Variants in HDAC4 observed in about 807,000 individuals in gnomAD.
HDAC4 encodes histone deacetylase 4, also known as histone deacetylase A.
Under a neutral mutation model 135.1 loss-of-function variants are expected in HDAC4, and 16 were observed. The ratio of observed to expected loss-of-function variants is 0.12; its 90% CI spans 0.08 to 0.18. The LOEUF (loss-of-function observed/expected upper bound fraction) is 0.18. Ranked by LOEUF, HDAC4 falls within the 10% of genes least tolerant of loss-of-function variation. The pLI is 1.00. For synonymous variants in HDAC4, 685 were observed against 653.4 expected, an observed-to-expected ratio of 1.05 and a Z score of -0.74; for missense variants, 1,143 against 1,511.8, an observed-to-expected ratio of 0.76 and a Z score of 4.05.
At chr2:239,196,533 T>C (rs750760034) in intron 3 of HDAC4, among the ~76,000 whole-genome samples, 120 of 152,204 alleles carry the variant, frequency 7.9e-4, no homozygotes, top group Non-Finnish European at 2.6e-4. Context: ...GAGTTGACGA[T>C]GGTTCCCGGG....
At chr2:239,080,903 T>A in intron 22 of HDAC4, 192 bp downstream of exon 22, 1 of 591,636 alleles carries the variant, frequency 1.7e-6, no homozygotes, top group South Asian at 2.1e-5. Flanking sequence ...TAAGAGCTGA[T>A]GGTAAGAAGA....
rs1388339164 is a variant in HDAC4 at position 239,049,278 on chromosome 2, G to A, written c.*3819C>T. On this transcript the variant is annotated 3_prime_UTR_variant, in exon 27 of 27. Transcript: ENST00000543185. ...CTTCCCCGCCCTCCTCTCCTTCAAG[G>A]TTTTGTTTTACAGAAAAATTTCCAT... is the stretch of plus-strand genomic sequence containing the variant. 2 of 152,428 alleles carry A rather than the reference G, an allele frequency of 1.3e-5. No homozygotes were observed. The highest frequency in any genetic ancestry group is 2.1e-4 in the South Asian group (1 of 4,822). The allele number at this position is 152,428 out of a possible 1,614,324, so 9.4% of individuals were successfully genotyped here. A position where few individuals can be genotyped will look rare whatever the true frequency, so the allele number is the denominator to read the frequency against.
intron 3 of HDAC4, among the ~76,000 whole-genome samples, chr2:239,201,351 C>T (rs948541079): frequency 5.3e-5 from 8 of 152,128 alleles, no homozygotes; most frequent in South Asian, 2.1e-4. Context: ...CCTAACCTGC[C>T]GTAGAGACCC....
chr2:239,159,136 C>T (rs1172760777), intron 6 of HDAC4, among the ~76,000 whole-genome samples: 4 of 150,788 alleles, frequency 2.7e-5, no homozygotes, highest in Non-Finnish European at 4.4e-5. Flanking sequence ...ACACCTGCAG[C>T]TCACCCAACT....
chr2:239,108,257 C>A (rs1022772458), intron 14 of HDAC4, 74 bp from the exon 15 acceptor site: 1 of 1,525,840 alleles, frequency 6.6e-7, no homozygotes. Flanking sequence ...AGGCTGCCCC[C>A]GGGTGGTGGC....
intron 2 of HDAC4, among the ~76,000 whole-genome samples, chr2:239,270,243 A>C (rs1402751182): frequency 1.3e-5 from 2 of 152,210 alleles, no homozygotes; most frequent in African/African-American, 2.4e-5. Flanking sequence ...ATGTGTAAAA[A>C]TGAATGGATG....
intron 1 of HDAC4, among the ~76,000 whole-genome samples, chr2:239,375,250 G>A (rs746304368): frequency 6.6e-6 from 1 of 152,168 alleles, no homozygotes; most frequent in Non-Finnish European, 1.5e-5. Context: ...AGCAGAGGGT[G>A]CCCCGGGAGG....
At chr2:239,312,999 C>G (rs1425256045) in intron 2 of HDAC4, among the ~76,000 whole-genome samples, 1 of 152,214 alleles carries the variant, frequency 6.6e-6, no homozygotes, top group East Asian at 1.9e-4. Context: ...CGACGGGAGG[C>G]AGACGAGGTG....
At chr2:239,231,637 TCCCCGAAGCAC>T (rs1220672028) in intron 3 of HDAC4, among the ~76,000 whole-genome samples, 1 of 66,748 alleles carries the variant, frequency 1.5e-5, no homozygotes, top group African/African-American at 4.6e-5. Context: ...GTAGGTGTCC[TCCCCGAAGCAC>T]CCCTCTCCTC....
In HDAC4 at chr2:239,144,535, C is replaced by T. The variant is rs375682971; in HGVS notation, c.865+48G>A. The T allele has an allele frequency of 1.9e-6, 3 of 1,611,510 alleles. No individual in the cohort carries two copies. In the African/African-American group the frequency reaches 4.0e-5, roughly 22 times the overall value. On this transcript the variant is annotated intron_variant, in intron 8 of 26. Transcript: ENST00000543185. ...AGAGAAATCGCCTATGGCAGGAAGG[C>T]CTGGCAGAGAGGGCAGCGGGGCGGG...
intron 9 of HDAC4, among the ~76,000 whole-genome samples, chr2:239,136,772 G>A (rs957416414): frequency 6.6e-6 from 1 of 152,328 alleles, no homozygotes; most frequent in Non-Finnish European, 1.5e-5. Flanking sequence ...GGCCATTGGG[G>A]ATAGGAAGAA....
intron 2 of HDAC4, among the ~76,000 whole-genome samples, chr2:239,310,245 C>G (rs1311241361): frequency 6.6e-6 from 1 of 152,142 alleles, no homozygotes; most frequent in Non-Finnish European, 1.5e-5. Context: ...GTAGAAAAAC[C>G]GACATGTCAG....
intron 3 of HDAC4, among the ~76,000 whole-genome samples, chr2:239,201,342 C>T (rs914685620): frequency 6.6e-6 from 1 of 152,218 alleles, no homozygotes. Context: ...GGCCTGGGTC[C>T]TAACCTGCCG....
At chr2:239,060,757 C>A (rs2032568587) in intron 24 of HDAC4, among the ~76,000 whole-genome samples, 1 of 152,240 alleles carries the variant, frequency 6.6e-6, no homozygotes, top group African/African-American at 2.4e-5. Context: ...GGGGACTTGC[C>A]CGGAAGTTCA....
chr2:239,137,084 T>C (rs942409975), intron 9 of HDAC4, among the ~76,000 whole-genome samples: 1 of 152,124 alleles, frequency 6.6e-6, no homozygotes, highest in Non-Finnish European at 1.5e-5. Context: ...GTTTGCAAAG[T>C]TTTCATTTCC....
chr2:239,250,607 G>A (rs2048731685), intron 2 of HDAC4, among the ~76,000 whole-genome samples: 3 of 152,234 alleles, frequency 2.0e-5, no homozygotes, highest in Admixed American at 6.5e-5. Flanking sequence ...TCCAGAAGCT[G>A]CTATGGGTTC....
chr2:239,344,355 A>G (rs1436450099), intron 2 of HDAC4, among the ~76,000 whole-genome samples: 1 of 152,196 alleles, frequency 6.6e-6, no homozygotes, highest in African/African-American at 2.4e-5. Context: ...AGAAATTTGC[A>G]TTTCTACAAT....
Position 239,398,279 on chromosome 2 carries a change from G to T in HDAC4, c.-220+2699C>A, listed in dbSNP as rs561700490. On this transcript the variant is annotated intron_variant, in intron 1 of 26. Coordinates refer to ENST00000543185, the MANE Select transcript of HDAC4 (RefSeq NM_001378414.1). ...AGAATGGTATGGATGAATTCTACAG[G>T]AGTGATGAAATGTTTCTTCTGCTCC... Among the ~76,000 whole-genome samples, 3 of 152,356 alleles carry T rather than the reference G, an allele frequency of 2.0e-5. No individual in the cohort carries two copies. In the East Asian group the frequency reaches 5.8e-4, roughly 29 times the overall value.
intron 2 of HDAC4, among the ~76,000 whole-genome samples, chr2:239,265,872 G>A (rs2049693255): frequency 1.3e-5 from 2 of 152,250 alleles, no homozygotes; most frequent in African/African-American, 4.8e-5. Context: ...CCATGGGCTG[G>A]CTGGTGCTGA....
Sources: gnomAD v4.1 joint callset for allele counts (sites outside exome capture counted in the v4.1 genomes callset) on GRCh38, gnomAD v4.1.1 for gene constraint, MANE v1.5 for transcripts, NCBI Gene and HGNC (gene_info 2026-07-23, HGNC 2026-07-21) for gene names.